The following FGF14 variants were observed in gnomAD, a reference collection of about 807,000 sequenced individuals.
The protein encoded by FGF14 is fibroblast growth factor 14.
FGF14 carries 5 observed loss-of-function variants against 25.5 expected under a neutral mutation model. The ratio of observed to expected loss-of-function variants is 0.20; its 90% CI spans 0.10 to 0.41. The LOEUF (loss-of-function observed/expected upper bound fraction) is 0.41, where lower values mean the gene tolerates loss of function less well. Among genes scored for constraint, FGF14 ranks in the 10% least tolerant of loss-of-function variants. The pLI, the probability that FGF14 is intolerant of heterozygous loss-of-function variation, is 1.00. For missense variants in FGF14, 222 were observed against 320.1 expected, an observed-to-expected ratio of 0.69 and a Z score of 2.34; for synonymous variants, 138 against 118.3, an observed-to-expected ratio of 1.17 and a Z score of -1.08.
Position 102,143,745 on chromosome 13 carries a change from C to T in FGF14, c.208+257726G>A, listed in dbSNP as rs534556266. 3.3e-5 allele frequency among the ~76,000 whole-genome samples: 5 copies of T among 152,214 alleles called. No individual in the cohort carries two copies. In the East Asian group the frequency reaches 7.7e-4, roughly 24 times the overall value. ...AACCCCGAAGACACTATGTTTCAGACCTCTATCTAAAATACATATATAAAG... is the reference window on the plus strand; with the variant it reads ...AACCCCGAAGACACTATGTTTCAGATCTCTATCTAAAATACATATATAAAG... On this transcript the variant is annotated intron_variant, in intron 1 of 4. Coordinates refer to the FGF14 transcript ENST00000376131.
At chr13:101,781,227 C>G (rs2039474603) in intron 3 of FGF14, among the ~76,000 whole-genome samples, 2 of 152,172 alleles carry the variant, frequency 1.3e-5, no homozygotes, top group African/African-American at 4.8e-5. Context: ...ACTGATCTTG[C>G]CTTTCTCTTA....
intron 1 of FGF14, among the ~76,000 whole-genome samples, chr13:102,321,222 A>C (rs969777572): frequency 6.6e-6 from 1 of 152,166 alleles, no homozygotes; most frequent in Admixed American, 6.5e-5. Context: ...TGAAAGCTAT[A>C]GCTCTAAAAA....
chr13:101,784,614 C>T (rs962113400), intron 3 of FGF14, among the ~76,000 whole-genome samples: 2 of 152,146 alleles, frequency 1.3e-5, no homozygotes, highest in African/African-American at 4.8e-5. Context: ...GATTATTTAA[C>T]CTTTTCAATG....
At chr13:102,019,503 C>A (rs1340646189) in intron 1 of FGF14, among the ~76,000 whole-genome samples, 1 of 152,142 alleles carries the variant, frequency 6.6e-6, no homozygotes, top group African/African-American at 2.4e-5. Context: ...CTGGATACCC[C>A]TGAGGCTGAT....
Position 101,924,714 on chromosome 13 carries a change from T to C in FGF14, c.209-49418A>G, listed in dbSNP as rs549028966. Among the ~76,000 whole-genome samples, 16 of 152,366 alleles carry C rather than the reference T, an allele frequency of 1.1e-4. No homozygotes were observed. In the South Asian group the frequency reaches 3.3e-3, roughly 32 times the overall value. ...CTAGTGAAGTGGACATCATGATCTC[T>C]ATTTTACAGAAGAGGCAATTAAGCC... On this transcript the variant is annotated intron_variant, in intron 1 of 4. Coordinates refer to the FGF14 transcript ENST00000376131.
chr13:101,894,063 A>G (rs1157057531), intron 1 of FGF14, among the ~76,000 whole-genome samples: 1 of 151,788 alleles, frequency 6.6e-6, no homozygotes, highest in African/African-American at 2.4e-5. Context: ...AGAGATATGG[A>G]AAGATATTTA....
chr13:101,959,978 A>T (rs2139450119), intron 1 of FGF14, among the ~76,000 whole-genome samples: 1 of 152,356 alleles, frequency 6.6e-6, no homozygotes, highest in Admixed American at 6.5e-5. Flanking sequence ...TTAATTTAAT[A>T]ATCTCAGCTT....
At chr13:101,853,214 A>G (rs1161552957) in intron 3 of FGF14, among the ~76,000 whole-genome samples, 1 of 151,982 alleles carries the variant, frequency 6.6e-6, no homozygotes, top group Non-Finnish European at 1.5e-5. Context: ...TGTTTCTCTT[A>G]TTCTATTTCC....
At chr13:102,135,664 GT>G (rs1313751559) in intron 1 of FGF14, among the ~76,000 whole-genome samples, 1 of 152,078 alleles carries the variant, frequency 6.6e-6, no homozygotes, top group Middle Eastern at 3.2e-3. Context: ...ATGAAATATT[GT>G]TTGTTTTTGG....
chr13:102,155,962 G>C (rs2047314575), intron 1 of FGF14, among the ~76,000 whole-genome samples: 4 of 152,162 alleles, frequency 2.6e-5, no homozygotes, highest in African/African-American at 9.7e-5. Flanking sequence ...AAACCAGGAA[G>C]AAGTTGAATC....
At chr13:101,864,182 G>A (rs1181127809) in intron 3 of FGF14, among the ~76,000 whole-genome samples, 1 of 152,124 alleles carries the variant, frequency 6.6e-6, no homozygotes, top group African/African-American at 2.4e-5. Flanking sequence ...AGCCCACAGA[G>A]ATGACCAGTC....
chr13:102,162,007 A>G (rs12873685), intron 1 of FGF14, among the ~76,000 whole-genome samples: 10,928 of 152,188 alleles, frequency 0.072, 1,015 homozygotes, highest in East Asian at 0.5. Context: ...TTACTCTATA[A>G]CTTAGAATAT....
intron 1 of FGF14, among the ~76,000 whole-genome samples, chr13:102,131,118 A>T (rs1424325304): frequency 1.3e-5 from 2 of 152,184 alleles, no homozygotes; most frequent in African/African-American, 4.8e-5. Flanking sequence ...GTCCCCTCAT[A>T]GACATGAATT....
intron 1 of FGF14, among the ~76,000 whole-genome samples, chr13:102,073,363 C>A (rs1034193375): frequency 1.3e-5 from 2 of 152,216 alleles, no homozygotes; most frequent in Admixed American, 1.3e-4. Context: ...CCTATTCCAA[C>A]ATGCAGCAGG....
At chr13:101,793,814 A>C (rs1158253696) in intron 3 of FGF14, among the ~76,000 whole-genome samples, 1 of 152,090 alleles carries the variant, frequency 6.6e-6, no homozygotes, top group Admixed American at 6.6e-5. Flanking sequence ...TTGCTAAACC[A>C]TAAATAGGGC....
intron 3 of FGF14, among the ~76,000 whole-genome samples, chr13:101,782,750 T>C (rs1218614332): frequency 6.6e-6 from 1 of 152,236 alleles, no homozygotes; most frequent in Non-Finnish European, 1.5e-5. Context: ...TGGTATTCTA[T>C]GGTGTATATG....
intron 1 of FGF14, among the ~76,000 whole-genome samples, chr13:101,929,723 A>C: frequency 6.6e-6 from 1 of 152,244 alleles, no homozygotes; most frequent in East Asian, 1.9e-4. Flanking sequence ...TGTGTTATAT[A>C]TCATTAAATA....
chr13:102,294,888 A>C (rs2054618969), intron 1 of FGF14, among the ~76,000 whole-genome samples: 1 of 152,192 alleles, frequency 6.6e-6, no homozygotes, highest in South Asian at 2.1e-4. Context: ...GGACTAAATG[A>C]GTTACAATAG....
In FGF14 at chr13:102,291,650, C is replaced by T. The variant is rs150184204; in HGVS notation, c.208+109821G>A. On this transcript the variant is annotated intron_variant, in intron 1 of 4. Coordinates refer to the FGF14 transcript ENST00000376131. ...ATACCATACTGTGGGGTGTGCTATA[C>T]TGAAGAAACCAAGGAAAGAATGTTA... Among the ~76,000 whole-genome samples, 1,027 of 152,198 alleles carry T rather than the reference C, an allele frequency of 6.7e-3. 14 individuals are homozygous for T. Among genetic ancestry groups the T allele is most frequent in the African/African-American group, 0.023 (957 of 41,530 alleles).
Sources: gnomAD v4.1 joint callset for allele counts (sites outside exome capture counted in the v4.1 genomes callset) on GRCh38, gnomAD v4.1.1 for gene constraint, MANE v1.5 for transcripts, NCBI Gene and HGNC (gene_info 2026-07-23, HGNC 2026-07-21) for gene names.